Variants in ANKRD17 observed in about 807,000 individuals in gnomAD.
ANKRD17 encodes the protein ankyrin repeat domain-containing protein 17.
In ANKRD17, 19 loss-of-function variants were observed where a neutral mutation model predicts 229.7. The observed-to-expected ratio is 0.08, with a 90% confidence interval of 0.06 to 0.12. The LOEUF is 0.12. ANKRD17 is among the 10% of genes least tolerant of loss of function. The pLI is 1.00. For synonymous variants in ANKRD17, 1,112 were observed against 1,146.1 expected, an observed-to-expected ratio of 0.97 and a Z score of 0.60; for missense variants, 2,176 against 3,176.8, an observed-to-expected ratio of 0.68 and a Z score of 7.57.
intron 20 of ANKRD17, among the ~76,000 whole-genome samples, 180 bp downstream of exon 20, chr4:73,120,700 TC>T (rs1726614865): frequency 6.6e-6 from 1 of 152,094 alleles, no homozygotes; most frequent in South Asian, 2.1e-4. Context: ...TAAAAATTTA[TC>T]ACTCAGGTAT....
At chr4:73,230,370 GCCC>G (rs1163744544) in intron 1 of ANKRD17, among the ~76,000 whole-genome samples, 14 of 151,712 alleles carry the variant, frequency 9.2e-5, no homozygotes, top group African/African-American at 3.4e-4. Flanking sequence ...ACTATAAAAA[GCCC>G]CAGTACAATT....
At chr4:73,101,329 A>G (rs1256659565) in intron 25 of ANKRD17, among the ~76,000 whole-genome samples, 1 of 152,194 alleles carries the variant, frequency 6.6e-6, no homozygotes, top group African/African-American at 2.4e-5. Flanking sequence ...AAATGGTATT[A>G]TGATGATGTA....
intron 16 of ANKRD17, among the ~76,000 whole-genome samples, chr4:73,132,128 C>T (rs1243191982): frequency 6.9e-6 from 1 of 145,570 alleles, no homozygotes; most frequent in Non-Finnish European, 1.5e-5. Context: ...TTTTTTGAGA[C>T]AGAGTTTCAC....
At chr4:73,131,715 G>GCT (rs1459482044) in intron 16 of ANKRD17, among the ~76,000 whole-genome samples, 1 of 152,146 alleles carries the variant, frequency 6.6e-6, no homozygotes, top group Non-Finnish European at 1.5e-5. Flanking sequence ...TGTTGGGCAA[G>GCT]GTAGTTAATA....
intron 1 of ANKRD17, among the ~76,000 whole-genome samples, chr4:73,236,085 C>T (rs2149250942): frequency 6.6e-6 from 1 of 152,164 alleles, no homozygotes; most frequent in East Asian, 1.9e-4. Context: ...AATTCTGTAG[C>T]TACTGTTGTG....
At chr4:73,141,920 T>A (rs1729661587) in intron 13 of ANKRD17, 77 bp from the exon 14 acceptor site, 2 of 1,120,598 alleles carry the variant, frequency 1.8e-6, no homozygotes, top group African/African-American at 1.6e-5. Flanking sequence ...AAAGAATAAA[T>A]TAGAGATTTT....
chr4:73,198,917 G>A (rs1021717929), intron 1 of ANKRD17, among the ~76,000 whole-genome samples: 3 of 151,936 alleles, frequency 2.0e-5, no homozygotes, highest in Non-Finnish European at 2.9e-5. Flanking sequence ...GGAAGGTGAC[G>A]TAAAACTTGT....
chr4:73,135,785 T>C (rs557308810), intron 15 of ANKRD17, among the ~76,000 whole-genome samples: 1 of 152,258 alleles, frequency 6.6e-6, no homozygotes, highest in South Asian at 2.1e-4. Flanking sequence ...CAGACTGGGA[T>C]ATAGTAATAT....
At chr4:73,227,544 A>G (rs1742635784) in intron 1 of ANKRD17, among the ~76,000 whole-genome samples, 1 of 152,210 alleles carries the variant, frequency 6.6e-6, no homozygotes, top group African/African-American at 2.4e-5. Flanking sequence ...TGCCAACAGA[A>G]GTATTAAAGT....
At chr4:73,184,732 C>T (rs540482572) in intron 1 of ANKRD17, among the ~76,000 whole-genome samples, 1 of 151,998 alleles carries the variant, frequency 6.6e-6, no homozygotes, top group African/African-American at 2.4e-5. Context: ...AGAAAGGCAA[C>T]TCTATGTGCA....
chr4:73,181,112 G>A (rs1735482940), intron 1 of ANKRD17, among the ~76,000 whole-genome samples: 1 of 152,150 alleles, frequency 6.6e-6, no homozygotes, highest in Admixed American at 6.5e-5. Flanking sequence ...GGAGAACAAA[G>A]GGGTAATCAC....
intron 1 of ANKRD17, among the ~76,000 whole-genome samples, chr4:73,249,973 C>T (rs945311555): frequency 3.9e-5 from 6 of 152,128 alleles, no homozygotes; most frequent in African/African-American, 1.2e-4. Context: ...TTAAACTATC[C>T]CTCTCTAGAC....
intron 25 of ANKRD17, chr4:73,098,997 G>A: frequency 1.0e-6 from 1 of 977,650 alleles, no homozygotes; most frequent in Non-Finnish European, 1.6e-6. Flanking sequence ...AGACCTTGGG[G>A]CCAACCAAAG....
intron 1 of ANKRD17, among the ~76,000 whole-genome samples, chr4:73,206,423 AGT>A (rs781481015): frequency 0.028 from 2,678 of 94,100 alleles, 49 homozygotes; most frequent in African/African-American, 0.062. Flanking sequence ...AGAGAAAGAA[AGT>A]GAGAGAGAGA....
Position 73,076,296 on chromosome 4 carries a change from A to G in ANKRD17, c.7753-6T>C. The G allele has an allele frequency of 6.3e-7, 1 of 1,580,568 alleles. No homozygotes were observed. The highest frequency in any genetic ancestry group is 8.6e-7 in the Non-Finnish European group (1 of 1,165,334). On this transcript the variant is annotated splice_polypyrimidine_tract_variant and splice_region_variant and intron_variant, in intron 33 of 33. Coordinates refer to ENST00000358602, the MANE Select transcript of ANKRD17 (RefSeq NM_032217.5). ...GCCCAGGGTCCAGTCCACACCTATG[A>G]ATATAGAGCATGCATTTTACAAAAT...
At chr4:73,182,051 C>CAAAAAAAAAAAAAAAAAAAA (rs143812968) in intron 1 of ANKRD17, among the ~76,000 whole-genome samples, 2 of 43,258 alleles carry the variant, frequency 4.6e-5, no homozygotes, top group Non-Finnish European at 7.3e-5. Context: ...CCGTCCCCAC[C>CAAAAAAAAAAAAAAAAAAAA]AAAAAAAAAA....
intron 1 of ANKRD17, among the ~76,000 whole-genome samples, chr4:73,250,244 C>G (rs1744866808): frequency 1.3e-5 from 2 of 152,116 alleles, no homozygotes; most frequent in South Asian, 4.1e-4. Flanking sequence ...AATCTTGTTT[C>G]CCATTCTTAT....
At chr4:73,133,561 T>G (rs1728515446) in intron 16 of ANKRD17, among the ~76,000 whole-genome samples, 1 of 151,900 alleles carries the variant, frequency 6.6e-6, no homozygotes, top group African/African-American at 2.4e-5. Context: ...CAGCTAATTT[T>G]TTTTGTATTT....
chr4:73,217,394 C>T (rs998008041), intron 1 of ANKRD17, among the ~76,000 whole-genome samples: 1 of 152,174 alleles, frequency 6.6e-6, no homozygotes, highest in Non-Finnish European at 1.5e-5. Context: ...AATGTTATAA[C>T]ATCAACCCCA....
Sources: allele counts gnomAD v4.1 joint callset (sites outside exome capture counted in the v4.1 genomes callset), GRCh38; gene constraint gnomAD v4.1.1; transcripts MANE v1.5; gene names NCBI Gene and HGNC (gene_info 2026-07-23, HGNC 2026-07-21).